The following ORC4 variants were observed in gnomAD, a reference collection of about 807,000 sequenced individuals.
The protein encoded by ORC4 is origin recognition complex, subunit 4 homolog.
In ORC4, 55 loss-of-function variants were observed where a neutral mutation model predicts 63.9. The observed-to-expected ratio is 0.86, with a 90% CI of 0.69 to 1.08. The LOEUF is 1.08. Ranked by LOEUF, ORC4 falls within the 50% of genes least tolerant of loss-of-function variation. ORC4 has a pLI of 0.00. For missense variants in ORC4, 511 were observed against 504.4 expected, an observed-to-expected ratio of 1.01 and a Z score of -0.13; for synonymous variants, 150 against 168.5, an observed-to-expected ratio of 0.89 and a Z score of 0.85.
chr2:147,950,026 G>A (rs888560400), intron 8 of ORC4, among the ~76,000 whole-genome samples: 1 of 152,130 alleles, frequency 6.6e-6, no homozygotes, highest in African/African-American at 2.4e-5. Context: ...AAGGTGGACA[G>A]GAAAGACTAA....
chr2:147,969,992 T>C (rs1690118572), intron 4 of ORC4, among the ~76,000 whole-genome samples: 1 of 151,926 alleles, frequency 6.6e-6, no homozygotes, highest in South Asian at 2.1e-4. Flanking sequence ...ACTAATGGAA[T>C]TGAGAAGCAA....
intron 1 of ORC4, among the ~76,000 whole-genome samples, chr2:148,005,849 GC>G (rs1388996688): frequency 6.6e-6 from 1 of 151,952 alleles, no homozygotes; most frequent in African/African-American, 2.4e-5. Context: ...GGTGGCATGT[GC>G]CTGTAGTGCC....
At chr2:147,946,451 A>C (rs1409171717) in intron 9 of ORC4, among the ~76,000 whole-genome samples, 2 of 152,096 alleles carry the variant, frequency 1.3e-5, no homozygotes, top group Admixed American at 1.3e-4. Flanking sequence ...AAGTAGATCT[A>C]AAAGCTGAAG....
intron 8 of ORC4, 69 bp downstream of exon 8, chr2:147,952,304 C>T: frequency 8.8e-7 from 1 of 1,139,682 alleles, no homozygotes; most frequent in Middle Eastern, 2.8e-4. Context: ...AAAAAACTAG[C>T]AGTGTCAGCA....
At chr2:147,956,758 C>G (rs1689273422) in intron 6 of ORC4, among the ~76,000 whole-genome samples, 1 of 151,952 alleles carries the variant, frequency 6.6e-6, no homozygotes, top group Non-Finnish European at 1.5e-5. Flanking sequence ...CTAATAATCT[C>G]TATATATGAT....
At chr2:147,971,689 A>T (rs1413628781) in intron 4 of ORC4, among the ~76,000 whole-genome samples, 2 of 152,078 alleles carry the variant, frequency 1.3e-5, no homozygotes, top group African/African-American at 4.8e-5. Flanking sequence ...ATTCAAATGC[A>T]AAGAAAAACC....
chr2:147,979,308 T>C (rs1049715885), intron 1 of ORC4, among the ~76,000 whole-genome samples: 1 of 152,116 alleles, frequency 6.6e-6, no homozygotes, highest in Non-Finnish European at 1.5e-5. Flanking sequence ...TTCTCCACAC[T>C]AATAACTATT....
Position 148,011,526 on chromosome 2 carries a change from G to A in ORC4, c.-18+9107C>T, listed in dbSNP as rs565809460. On this transcript the variant is annotated intron_variant, in intron 1 of 13. Coordinates refer to ENST00000392857, the MANE Select transcript of ORC4 (RefSeq NM_181741.4). ...CCCACAGTTAGTATCAGACTGAATG[G>A]GGGAAAAACTGAAAGCCTTTATTCT... Among the ~76,000 whole-genome samples, 8 of 152,228 alleles carry A rather than the reference G, an allele frequency of 5.3e-5. No individual in the cohort carries two copies. In the East Asian group the frequency reaches 1.4e-3, roughly 26 times the overall value.
chr2:147,996,425 T>C (rs1044548438), intron 1 of ORC4, among the ~76,000 whole-genome samples: 1 of 151,960 alleles, frequency 6.6e-6, no homozygotes, highest in Non-Finnish European at 1.5e-5. Flanking sequence ...TGAAAGAAAA[T>C]AAAAAATTGA....
chr2:147,998,138 G>A (rs920586703), intron 1 of ORC4, among the ~76,000 whole-genome samples: 10 of 152,288 alleles, frequency 6.6e-5, no homozygotes, highest in Admixed American at 5.9e-4. Context: ...AGACTGACAT[G>A]TCTGGGTTAT....
intron 1 of ORC4, among the ~76,000 whole-genome samples, chr2:148,009,804 C>A (rs2105460165): frequency 6.6e-6 from 1 of 152,244 alleles, no homozygotes; most frequent in African/African-American, 2.4e-5. Context: ...AAGGATGGAT[C>A]CTAAATTCTC....
intron 1 of ORC4, among the ~76,000 whole-genome samples, chr2:147,982,334 CAAAG>C (rs1690937334): frequency 6.6e-6 from 1 of 152,078 alleles, no homozygotes; most frequent in Admixed American, 6.6e-5. Flanking sequence ...TCTAAAATCA[CAAAG>C]AACTATGTAA....
chr2:147,934,862 G>C lies in ORC4; in HGVS notation c.*648C>G, dbSNP rs1210777415. The C allele has an allele frequency of 6.6e-6, 1 of 152,192 alleles. No individual in the cohort carries two copies. The allele number at this position is 152,192 out of a possible 1,614,324, so 9.4% of individuals were successfully genotyped here. On this transcript the variant is annotated 3_prime_UTR_variant, in exon 14 of 14. Transcript: ENST00000392857. ...ATACTTGTTAAGAAGGAAAATTCCAGTCCTTTTGACCTATGGTAGGCTCAA... is the reference window on the plus strand; with the variant it reads ...ATACTTGTTAAGAAGGAAAATTCCACTCCTTTTGACCTATGGTAGGCTCAA...
chr2:148,003,700 C>A, intron 1 of ORC4, among the ~76,000 whole-genome samples: 1 of 152,116 alleles, frequency 6.6e-6, no homozygotes, highest in Non-Finnish European at 1.5e-5. Flanking sequence ...AAAACCGGCA[C>A]AAGAAAAGGA....
chr2:147,986,790 T>TACACACACACATACACAC (rs1553458240), intron 1 of ORC4, among the ~76,000 whole-genome samples: 5 of 148,540 alleles, frequency 3.4e-5, no homozygotes, highest in African/African-American at 1.2e-4. Flanking sequence ...CACACACACA[T>TACACACACACATACACAC]ACACACACAC....
At chr2:148,017,679 G>A (rs773384540) in intron 1 of ORC4, among the ~76,000 whole-genome samples, 1 of 152,088 alleles carries the variant, frequency 6.6e-6, no homozygotes, top group Admixed American at 6.5e-5. Context: ...CTCCAGGGGG[G>A]AAAAAATCTC....
At chr2:148,012,385 C>A (rs1191597851) in intron 1 of ORC4, among the ~76,000 whole-genome samples, 1 of 152,126 alleles carries the variant, frequency 6.6e-6, no homozygotes, top group East Asian at 1.9e-4. Flanking sequence ...GTTGGGAAAA[C>A]TGGATGCCCA....
intron 4 of ORC4, among the ~76,000 whole-genome samples, chr2:147,963,384 C>T (rs1369218256): frequency 1.3e-5 from 2 of 152,114 alleles, no homozygotes; most frequent in Non-Finnish European, 2.9e-5. Flanking sequence ...AGCAGTGTCA[C>T]AGGCCTGAGA....
Position 147,935,091 on chromosome 2 carries a change from AAC to A in ORC4, c.*417_*418del, listed in dbSNP as rs1687976131. On this transcript the variant is annotated 3_prime_UTR_variant, in exon 14 of 14. Coordinates refer to ENST00000392857, the MANE Select transcript of ORC4 (RefSeq NM_181741.4). ...CAAAATTTGCATGTGGACAGAAAAAAACACTGCAGCAAACCTGCTGTACCAAA... is the reference window on the plus strand; with the variant it reads ...CAAAATTTGCATGTGGACAGAAAAAAACTGCAGCAAACCTGCTGTACCAAA... 6.2e-6 allele frequency: 1 copy of A among 160,152 alleles called. No individual in the cohort carries two copies. Among genetic ancestry groups the A allele is most frequent in the Non-Finnish European group, 1.4e-5 (1 of 72,858 alleles). The allele number at this position is 160,152 out of a possible 1,614,324, so 9.9% of individuals were successfully genotyped here. A position where few individuals can be genotyped will look rare whatever the true frequency, so the allele number is the denominator to read the frequency against.
Sources: gnomAD v4.1 joint callset for allele counts (sites outside exome capture counted in the v4.1 genomes callset) on GRCh38, gnomAD v4.1.1 for gene constraint, MANE v1.5 for transcripts, NCBI Gene and HGNC (gene_info 2026-07-23, HGNC 2026-07-21) for gene names.